The following EPB41L5 variants were observed in gnomAD, a reference collection of about 807,000 sequenced individuals.
The protein encoded by EPB41L5 is band 4.1-like protein 5.
Under a neutral mutation model 106.6 loss-of-function variants are expected in EPB41L5, and 55 were observed. That is an observed-to-expected ratio of 0.52 (90% CI 0.42 to 0.65). EPB41L5 has a LOEUF of 0.65. EPB41L5 is among the 30% of genes least tolerant of loss of function. The probability of loss-of-function intolerance (pLI) is 0.00; values close to 1 mark genes in which losing one functional copy is unlikely to be tolerated. For missense variants in EPB41L5, 871 were observed against 882.1 expected (o/e 0.99, Z 0.16); for synonymous variants, 297 against 306.7 (o/e 0.97, Z 0.33).
chr2:120,058,740 G>A (rs1047359846), intron 3 of EPB41L5, among the ~76,000 whole-genome samples: 1 of 152,132 alleles, frequency 6.6e-6, no homozygotes, highest in Admixed American at 6.5e-5. Context: ...CAGATTTCAA[G>A]GCTAAATTGT....
intron 22 of EPB41L5, among the ~76,000 whole-genome samples, chr2:120,167,099 G>C (rs752058952): frequency 3.9e-5 from 6 of 152,152 alleles, no homozygotes; most frequent in Non-Finnish European, 5.9e-5. Context: ...TACCAAGAAG[G>C]CTATCATTAT....
At chr2:120,082,336 C>G (rs796647051) in intron 10 of EPB41L5, among the ~76,000 whole-genome samples, 57 of 152,258 alleles carry the variant, frequency 3.7e-4, no homozygotes, top group African/African-American at 1.3e-3. Context: ...TGAATTTTAT[C>G]AAAGGCTTTT....
Position 120,113,857 on chromosome 2 carries a change from T to C in EPB41L5, c.1337+13043T>C, listed in dbSNP as rs75243664. Among the ~76,000 whole-genome samples, 862 of 152,376 alleles carry C rather than the reference T, an allele frequency of 5.7e-3. 4 individuals carry two copies. The highest frequency in any genetic ancestry group is 0.02 in the African/African-American group (828 of 41,598). ...TTAGTACTTGATTCCTTTTAATGGC[T>C]TAATAATATTCCCTTGTATGATGCC... is the stretch of plus-strand genomic sequence containing the variant. On this transcript the variant is annotated intron_variant, in intron 16 of 24. Coordinates refer to ENST00000263713, the MANE Select transcript of EPB41L5 (RefSeq NM_020909.4).
At chr2:120,106,462 A>G (rs1313968895) in intron 16 of EPB41L5, 8 of 985,136 alleles carry the variant, frequency 8.1e-6, no homozygotes, top group African/African-American at 7.0e-5. Flanking sequence ...ATTGTCACCA[A>G]CCTATTTACA....
chr2:120,086,036 A>G (rs1050249556), intron 10 of EPB41L5, among the ~76,000 whole-genome samples: 1 of 151,988 alleles, frequency 6.6e-6, no homozygotes, highest in Non-Finnish European at 1.5e-5. Context: ...TCTCTACTAA[A>G]AATACTAAGA....
chr2:120,137,346 A>G (rs1685970889), intron 18 of EPB41L5, among the ~76,000 whole-genome samples: 1 of 152,102 alleles, frequency 6.6e-6, no homozygotes, highest in Admixed American at 6.6e-5. Flanking sequence ...AATTAGTAGA[A>G]GAAAAGAAAT....
At chr2:120,056,045 C>T (rs1249103275) in intron 3 of EPB41L5, among the ~76,000 whole-genome samples, 1 of 152,210 alleles carries the variant, frequency 6.6e-6, no homozygotes, top group African/African-American at 2.4e-5. Flanking sequence ...GTTCAGTCTT[C>T]TACCATCAAG....
chr2:120,167,508 G>GT lies in EPB41L5; in HGVS notation c.2004+2dup. ...GATCACACCCCGGTGGATTGTTCCG[G>GT]TAAGTTCATGTTATTTGTGATTTTT... On this transcript the variant is annotated splice_donor_variant, in intron 23 of 24. Transcript: ENST00000263713. LOFTEE classifies it high-confidence loss of function. 1.2e-6 allele frequency: 2 copies of GT among 1,613,698 alleles called. No individual in the cohort carries two copies. Among genetic ancestry groups the GT allele is most frequent in the East Asian group, 2.2e-5 (1 of 44,868 alleles).
At chr2:120,057,358 T>A (rs1474151116) in intron 3 of EPB41L5, among the ~76,000 whole-genome samples, 1 of 152,198 alleles carries the variant, frequency 6.6e-6, no homozygotes, top group African/African-American at 2.4e-5. Context: ...AAAATCTAAA[T>A]GTAATTTAAT....
intron 10 of EPB41L5, among the ~76,000 whole-genome samples, chr2:120,082,582 C>T (rs1272079839): frequency 6.6e-6 from 1 of 151,976 alleles, no homozygotes; most frequent in Non-Finnish European, 1.5e-5. Flanking sequence ...TTTGTTGTGT[C>T]TCTGCCAGGC....
At chr2:120,048,656 T>G (rs2105236073) in intron 3 of EPB41L5, among the ~76,000 whole-genome samples, 1 of 152,326 alleles carries the variant, frequency 6.6e-6, no homozygotes, top group South Asian at 2.1e-4. Flanking sequence ...TCTCCTTCAG[T>G]TCTGCTCTGA....
chr2:120,140,495 A>G (rs772752717), intron 18 of EPB41L5, among the ~76,000 whole-genome samples: 30 of 152,164 alleles, frequency 2.0e-4, no homozygotes, highest in Non-Finnish European at 3.2e-4. Flanking sequence ...TTGTACTACT[A>G]ATAAAGGACA....
At chr2:120,063,097 T>C (rs1017359158) in intron 3 of EPB41L5, among the ~76,000 whole-genome samples, 1 of 152,120 alleles carries the variant, frequency 6.6e-6, no homozygotes, top group Non-Finnish European at 1.5e-5. Flanking sequence ...CCTAGCACTT[T>C]GGAAGGCTGA....
intron 24 of EPB41L5, 151 bp from the exon 25 acceptor site, chr2:120,174,690 T>C: frequency 1.5e-6 from 1 of 669,944 alleles, no homozygotes; most frequent in Non-Finnish European, 2.8e-6. Flanking sequence ...CTATGGAATA[T>C]CTCATTGCCA....
chr2:120,103,450 T>C (rs183379371), intron 16 of EPB41L5, among the ~76,000 whole-genome samples: 77 of 152,294 alleles, frequency 5.1e-4, no homozygotes, highest in Admixed American at 1.7e-3. Context: ...CATTTTGAGG[T>C]CTTGTGAACT....
At chr2:120,093,108 A>G (rs1421314231) in intron 13 of EPB41L5, 141 bp from the exon 14 acceptor site, 1 of 743,834 alleles carries the variant, frequency 1.3e-6, no homozygotes, top group African/African-American at 1.8e-5. Flanking sequence ...CAAAATCATG[A>G]AAGACCCTTT....
intron 2 of EPB41L5, among the ~76,000 whole-genome samples, chr2:120,033,708 CAAAA>C (rs3084761): frequency 1.1e-3 from 105 of 97,342 alleles, no homozygotes; most frequent in African/African-American, 3.8e-3. Flanking sequence ...AACTCCATCT[CAAAA>C]AAAAAAAAAA....
intron 3 of EPB41L5, among the ~76,000 whole-genome samples, chr2:120,067,783 G>GCA (rs1213890160): frequency 6.6e-6 from 1 of 152,044 alleles, no homozygotes; most frequent in South Asian, 2.1e-4. Flanking sequence ...CCTAATTTTT[G>GCA]GTTATAATCT....
At chr2:120,036,628 T>C (rs1679055953) in intron 2 of EPB41L5, among the ~76,000 whole-genome samples, 1 of 152,032 alleles carries the variant, frequency 6.6e-6, no homozygotes, top group Non-Finnish European at 1.5e-5. Context: ...GCAGATGGAA[T>C]AAAAAGAAAA....
Sources: allele counts gnomAD v4.1 joint callset (sites outside exome capture counted in the v4.1 genomes callset), GRCh38; gene constraint gnomAD v4.1.1; transcripts MANE v1.5; gene names NCBI Gene and HGNC (gene_info 2026-07-23, HGNC 2026-07-21).